Variants in MLH3 observed in about 807,000 individuals in gnomAD.
The protein encoded by MLH3 is DNA mismatch repair protein Mlh3.
Under a neutral mutation model 122.2 loss-of-function variants are expected in MLH3, and 82 were observed. The ratio of observed to expected loss-of-function variants is 0.67; its 90% CI spans 0.56 to 0.81. The LOEUF (loss-of-function observed/expected upper bound fraction) is 0.81, where lower values mean the gene tolerates loss of function less well. MLH3 is among the 30% of genes least tolerant of loss of function. MLH3 has a pLI of 0.00. For synonymous variants in MLH3, 524 were observed against 599.5 expected (o/e 0.87, Z 1.84); for missense variants, 1,539 against 1,714.5 (o/e 0.90, Z 1.81).
At position 75,049,463 on chromosome 14, in the gene MLH3, C is replaced by A; in HGVS notation, c.193G>T (p.Asp65Tyr). 6.2e-7 allele frequency: 1 copy of A among 1,614,126 alleles called. No homozygotes were observed. Among genetic ancestry groups the A allele is most frequent in the Non-Finnish European group, 8.5e-7 (1 of 1,180,024 alleles). The change falls in exon 2 of 13, where the codon GAT becomes TAT. Residue 65 changes from aspartate to tyrosine, a missense_variant. By Grantham distance (160) the Asp-to-Tyr change is radical. Coordinates refer to ENST00000355774, the MANE Select transcript of MLH3 (RefSeq NM_001040108.2). ...TAACGATTTCCCACTTTCTCTACAT[C>A]ATCACTCCCCATCCCAAATCCATTG... ...IDNGFGMGSDDVEKVGNRYFT... is the reference protein window; with the variant it reads ...IDNGFGMGSDYVEKVGNRYFT...
intron 9 of MLH3, among the ~76,000 whole-genome samples, chr14:75,029,435 G>A (rs1205115199): frequency 6.6e-6 from 1 of 152,032 alleles, no homozygotes; most frequent in Non-Finnish European, 1.5e-5. Context: ...TCTATTGATA[G>A]TTCCCTAAAC....
chr14:75,029,650 C>G (rs1890905403), intron 9 of MLH3, among the ~76,000 whole-genome samples: 1 of 152,122 alleles, frequency 6.6e-6, no homozygotes, highest in South Asian at 2.1e-4. Context: ...ATTCTCCTGC[C>G]TCAGCCTCCT....
chr14:75,022,946 T>C, intron 10 of MLH3, 49 bp downstream of exon 10: 1 of 1,614,006 alleles, frequency 6.2e-7, no homozygotes, highest in Non-Finnish European at 8.5e-7. Flanking sequence ...ACGAAGCCTT[T>C]TATGTGTGGT....
At position 75,035,159 on chromosome 14, in the gene MLH3, C is replaced by CAAAGATTT. The variant is rs1312091018; in HGVS notation, c.3644-1670_3644-1669insAAATCTTT. Among the ~76,000 whole-genome samples, 20 of 151,674 alleles carry CAAAGATTT rather than the reference C, an allele frequency of 1.3e-4. No homozygotes were observed. In the East Asian group the frequency reaches 3.7e-3, roughly 28 times the overall value. ...ACATCTGCAGATTTTGTAGTTACAC[C>CAAAGATTT]CATCTTGAGTATCATTAGTAGAGAT... On this transcript the variant is annotated intron_variant, in intron 6 of 12. Coordinates refer to ENST00000355774, the MANE Select transcript of MLH3 (RefSeq NM_001040108.2).
chr14:75,018,797 C>T (rs751356287), intron 12 of MLH3, 32 bp downstream of exon 12: 1 of 1,611,096 alleles, frequency 6.2e-7, no homozygotes, highest in East Asian at 2.2e-5. Context: ...ATAAACTTTG[C>T]TCCCTCCTGC....
chr14:75,030,731 A>C (rs1393094688), intron 8 of MLH3, 29 bp from the exon 9 acceptor site: 9 of 1,601,048 alleles, frequency 5.6e-6, no homozygotes, highest in South Asian at 3.3e-5. Flanking sequence ...ATGTTAAAAA[A>C]AAAAAGAGTG....
At position 75,046,982 on chromosome 14, in the gene MLH3, T is replaced by A. The variant is rs780125940; in HGVS notation, c.2674A>T (p.Met892Leu). The A allele has an allele frequency of 4.3e-6, 7 of 1,614,052 alleles. No individual in the cohort carries two copies. The highest frequency in any genetic ancestry group is 2.7e-5 in the African/African-American group (2 of 74,932). Residue 892 changes from methionine (M) to leucine (L), a missense_variant, in exon 2 of 13, where the codon ATG (methionine) becomes TTG (leucine). Met to Leu is a conservative substitution (Grantham distance 15, BLOSUM62 2). Transcript: ENST00000355774. ...GGAAGTTCATTAAAACGACTCATCA[T>A]CCCCATTGTTTGAGTTTCTCTTTCG... is the stretch of plus-strand genomic sequence containing the variant. ...GSERETQTMG[M>L]MSRFNELPNS...
intron 9 of MLH3, among the ~76,000 whole-genome samples, chr14:75,029,311 G>A (rs2139375115): frequency 6.6e-6 from 1 of 152,024 alleles, no homozygotes; most frequent in East Asian, 1.9e-4. Flanking sequence ...AGGAAAGGTT[G>A]GTCTTGCTGT....
At chr14:75,023,524 A>G (rs1171195941) in intron 9 of MLH3, among the ~76,000 whole-genome samples, 2 of 152,216 alleles carry the variant, frequency 1.3e-5, no homozygotes, top group African/African-American at 2.4e-5. Flanking sequence ...TTTGGGGACA[A>G]TTCCCTTCAG....
At chr14:75,041,381 C>T (rs1340462689) in intron 4 of MLH3, among the ~76,000 whole-genome samples, 1 of 152,066 alleles carries the variant, frequency 6.6e-6, no homozygotes, top group Non-Finnish European at 1.5e-5. Context: ...GAAACCCCAT[C>T]TCTACTAAAA....
intron 5 of MLH3, among the ~76,000 whole-genome samples, chr14:75,038,766 A>G (rs150773933): frequency 1.1e-3 from 174 of 152,344 alleles, no homozygotes; most frequent in Non-Finnish European, 2.3e-3. Flanking sequence ...AGGCTGAAAT[A>G]AATTTTTAAA....
At chr14:75,036,368 CAG>C (rs1479141723) in intron 6 of MLH3, among the ~76,000 whole-genome samples, 1 of 137,036 alleles carries the variant, frequency 7.3e-6, no homozygotes, top group Non-Finnish European at 1.6e-5. Flanking sequence ...ATTTTTTTGA[CAG>C]AGTTTCGCTC....
intron 11 of MLH3, among the ~76,000 whole-genome samples, chr14:75,021,274 C>T (rs1435984208): frequency 6.6e-6 from 1 of 152,186 alleles, no homozygotes. Context: ...ACTCTAAAAG[C>T]AACTGCAATA....
At chr14:75,024,555 T>G (rs1277903806) in intron 9 of MLH3, among the ~76,000 whole-genome samples, 1 of 152,240 alleles carries the variant, frequency 6.6e-6, no homozygotes, top group African/African-American at 2.4e-5. Context: ...TTGCCCAGGC[T>G]GGAGTGCCAT....
rs760995153 is a variant in MLH3 at position 75,049,270 on chromosome 14, G to T, written c.386C>A (p.Ala129Asp). ...CACATCAGCTTCACAAGCTTTCAGG[G>T]CTTTTCCACTCTGAAACAGTTTCAC... ...TFVKLFQSGK[A>D]LKACEADVTR... The change falls in exon 2 of 13, where the codon GCC (alanine) becomes GAC (aspartate). Residue 129 changes from alanine (A) to aspartate (D), a missense_variant. By Grantham distance (126) the Ala-to-Asp change is moderately radical (BLOSUM62 -2). Transcript: ENST00000355774. 6.2e-7 allele frequency: 1 copy of T among 1,614,158 alleles called. No individual in the cohort carries two copies. The highest frequency in any genetic ancestry group is 1.1e-5 in the South Asian group (1 of 91,082).
At chr14:75,039,883 TTA>T in intron 5 of MLH3, 26 bp downstream of exon 5, 2 of 520,512 alleles carry the variant, frequency 3.8e-6, no homozygotes, top group Non-Finnish European at 6.6e-6. Flanking sequence ...ATATATATAT[TTA>T]TGAGATTTTG....
In MLH3 at chr14:75,048,071, T is replaced by G. The variant is rs1004546185; in HGVS notation, c.1585A>C (p.Lys529Gln). The G allele has an allele frequency of 6.8e-6, 11 of 1,613,984 alleles. No individual in the cohort carries two copies. In the African/African-American group the frequency reaches 1.5e-4, roughly 22 times the overall value. Residue 529 changes from lysine to glutamine, a missense_variant, in exon 2 of 13, where the codon AAA becomes CAA. Coordinates refer to ENST00000355774, the MANE Select transcript of MLH3 (RefSeq NM_001040108.2). ...EESGQDLEIWKESTTVNGMAA... is the reference protein window; with the variant it reads ...EESGQDLEIWQESTTVNGMAA... ...ATGCCATTAACAGTAGTACTTTCTT[T>G]CCATATTTCTAGATCCTGCCCACTC...
At chr14:75,018,179 C>A (rs28757056) in intron 12 of MLH3, among the ~76,000 whole-genome samples, 2,463 of 152,212 alleles carry the variant, frequency 0.016, 83 homozygotes, top group African/African-American at 0.055. Context: ...TTTTGGAAAG[C>A]AGCAACAGGG....
At position 75,042,432 on chromosome 14, in the gene MLH3, G is replaced by C. The variant is rs1566597786; in HGVS notation, c.3326C>G (p.Pro1109Arg). 1.2e-6 allele frequency: 2 copies of C among 1,614,148 alleles called. No homozygotes were observed. Among genetic ancestry groups the C allele is most frequent in the Non-Finnish European group, 1.7e-6 (2 of 1,180,012 alleles). Residue 1109 changes from proline to arginine, a missense_variant, in exon 3 of 13, where the codon CCT becomes CGT. Coordinates refer to ENST00000355774, the MANE Select transcript of MLH3 (RefSeq NM_001040108.2). Reference protein sequence around the residue: ...CQPFRSDLVLPFLPRARAERT... With the variant: ...CQPFRSDLVLRFLPRARAERT... ...CTCTGCTCGAGCTCTCGGAAGGAAAGGAAGAACAAGGTCGCTTCTAAAAGG... is the reference window on the plus strand; with the variant it reads ...CTCTGCTCGAGCTCTCGGAAGGAAACGAAGAACAAGGTCGCTTCTAAAAGG...
Sources: gnomAD v4.1 joint callset for allele counts (sites outside exome capture counted in the v4.1 genomes callset) on GRCh38, gnomAD v4.1.1 for gene constraint, MANE v1.5 for transcripts, NCBI Gene and HGNC (gene_info 2026-07-23, HGNC 2026-07-21) for gene names.